Variants in PTGIS observed in about 807,000 individuals in gnomAD.
PTGIS encodes prostacyclin synthase.
Under a neutral mutation model 50.3 loss-of-function variants are expected in PTGIS, and 45 were observed. That is an observed-to-expected ratio of 0.90 (90% CI 0.70 to 1.15). The LOEUF is 1.15. PTGIS is among the 50% of genes most tolerant of loss of function. PTGIS has a pLI of 0.00. For missense variants in PTGIS, 668 were observed against 661.3 expected, an observed-to-expected ratio of 1.01 and a Z score of -0.11; for synonymous variants, 260 against 267.7, an observed-to-expected ratio of 0.97 and a Z score of 0.28.
At position 49,514,187 on chromosome 20, in the gene PTGIS, G is replaced by A. The variant is rs763636975; in HGVS notation, c.1024+40C>T. Reference sequence around the variant, plus strand: ...GAGGGCTTTGGGGGTCCATGATGACGCAGTCTTAGGGGCTATCTTGGAGGG... The same window carrying A: ...GAGGGCTTTGGGGGTCCATGATGACACAGTCTTAGGGGCTATCTTGGAGGG... On this transcript the variant is annotated intron_variant, in intron 7 of 9. Coordinates refer to ENST00000244043, the MANE Select transcript of PTGIS (RefSeq NM_000961.4). 1.9e-5 allele frequency: 31 copies of A among 1,607,636 alleles called. 1 individual carries two copies. Among genetic ancestry groups the A allele is most frequent in the East Asian group, 1.6e-4 (7 of 44,864 alleles).
chr20:49,544,482 T>C (rs775881874), intron 3 of PTGIS, 34 bp from the exon 4 acceptor site: 6 of 1,613,638 alleles, frequency 3.7e-6, no homozygotes, highest in South Asian at 1.1e-5. Flanking sequence ...AAAATTTGGC[T>C]TCCAAAGGGA....
chr20:49,561,055 C>A (rs952852324), intron 1 of PTGIS, among the ~76,000 whole-genome samples: 2 of 152,140 alleles, frequency 1.3e-5, no homozygotes, highest in African/African-American at 4.8e-5. Context: ...CCCCGGGGAG[C>A]CAGACCTAAC....
chr20:49,560,018 G>A (rs563480292), intron 1 of PTGIS, among the ~76,000 whole-genome samples: 30 of 151,612 alleles, frequency 2.0e-4, no homozygotes, highest in African/African-American at 7.0e-4. Flanking sequence ...TGCACCTCCC[G>A]GGTTCAAGCA....
At chr20:49,522,712 G>A (rs191265078) in intron 6 of PTGIS, among the ~76,000 whole-genome samples, 3 of 152,246 alleles carry the variant, frequency 2.0e-5, no homozygotes, top group Admixed American at 1.3e-4. Flanking sequence ...ACAATGAAAC[G>A]CACAGAAACC....
intron 9 of PTGIS, 50 bp from the exon 10 acceptor site, chr20:49,508,114 G>T (rs761959400): frequency 3.7e-6 from 6 of 1,606,124 alleles, no homozygotes; most frequent in Non-Finnish European, 5.1e-6. Context: ...AGGGCAGGGG[G>T]TTATCGGGAA....
At chr20:49,524,479 G>T (rs1157141832) in intron 5 of PTGIS, among the ~76,000 whole-genome samples, 1 of 152,160 alleles carries the variant, frequency 6.6e-6, no homozygotes, top group African/African-American at 2.4e-5. Context: ...TCTCCTGCAG[G>T]TGGGAGCCTG....
intron 1 of PTGIS, among the ~76,000 whole-genome samples, chr20:49,553,959 ATAAT>A (rs1193411337): frequency 3.3e-5 from 5 of 152,332 alleles, no homozygotes; most frequent in Non-Finnish European, 5.9e-5. Flanking sequence ...CAAGTTGACT[ATAAT>A]TAAAAGGAAA....
At chr20:49,532,622 C>G (rs1601189855) in intron 5 of PTGIS, among the ~76,000 whole-genome samples, 1 of 152,310 alleles carries the variant, frequency 6.6e-6, no homozygotes, top group Middle Eastern at 3.4e-3. Flanking sequence ...AATAACAAAT[C>G]TTACTGAATG....
At chr20:49,548,727 A>AGGG (rs1568683040) in intron 2 of PTGIS, among the ~76,000 whole-genome samples, 4 of 151,442 alleles carry the variant, frequency 2.6e-5, no homozygotes, top group African/African-American at 9.8e-5. Flanking sequence ...GGAAGGAAGG[A>AGGG]AGGGAGGGAG....
chr20:49,556,007 C>G (rs1982615937), intron 1 of PTGIS, among the ~76,000 whole-genome samples: 1 of 152,114 alleles, frequency 6.6e-6, no homozygotes, highest in Non-Finnish European at 1.5e-5. Flanking sequence ...TTGAAATAAT[C>G]TTTTATGAGT....
At chr20:49,552,496 A>G (rs1982534823) in intron 1 of PTGIS, among the ~76,000 whole-genome samples, 1 of 152,064 alleles carries the variant, frequency 6.6e-6, no homozygotes, top group Non-Finnish European at 1.5e-5. Context: ...TAACACACCC[A>G]GTCTCTCTCT....
At chr20:49,512,280 A>G (rs146847667) in intron 8 of PTGIS, among the ~76,000 whole-genome samples, 154 of 149,632 alleles carry the variant, frequency 1.0e-3, no homozygotes, top group Middle Eastern at 3.6e-3. Flanking sequence ...TGGATGGGTG[A>G]ATTTGTGAAT....
intron 1 of PTGIS, among the ~76,000 whole-genome samples, chr20:49,553,260 T>G (rs529368527): frequency 1.3e-5 from 2 of 152,246 alleles, no homozygotes; most frequent in Admixed American, 6.5e-5. Context: ...ATTATCATTG[T>G]GTAACTTTTT....
At position 49,508,054 on chromosome 20, in the gene PTGIS, G is replaced by A. The variant is rs1222480579; in HGVS notation, c.1369C>T (p.Leu457Phe). ...TCCAAGTCCAAGTGCACCAGCACAAGGAACACAAATCTGCAGAGAGATGGC... is the reference window on the plus strand; with the variant it reads ...TCCAAGTCCAAGTGCACCAGCACAAAGAACACAAATCTGCAGAGAGATGGC... ...AVNSIKQFVF[L>F]VLVHLDLELI... Residue 457 changes from leucine (L) to phenylalanine (F), a missense_variant, in exon 10 of 10, where the codon CTT becomes TTT. By Grantham distance (22) the Leu-to-Phe change is conservative. Coordinates refer to ENST00000244043, the MANE Select transcript of PTGIS (RefSeq NM_000961.4). The A allele has an allele frequency of 1.2e-6, 2 of 1,613,822 alleles. No homozygotes were observed. Among genetic ancestry groups the A allele is most frequent in the Admixed American group, 1.7e-5 (1 of 60,016 alleles).
chr20:49,552,574 T>A (rs1223002632), intron 1 of PTGIS, among the ~76,000 whole-genome samples: 1 of 151,838 alleles, frequency 6.6e-6, no homozygotes, highest in Non-Finnish European at 1.5e-5. Context: ...TTTCCCTATC[T>A]GATTTTCACC....
At chr20:49,563,610 T>C (rs1003342005) in intron 1 of PTGIS, among the ~76,000 whole-genome samples, 2 of 152,202 alleles carry the variant, frequency 1.3e-5, no homozygotes, top group African/African-American at 4.8e-5. Flanking sequence ...GATTTTTGTG[T>C]ATGGAATCCC....
At chr20:49,550,368 T>G (rs1982475635) in intron 1 of PTGIS, among the ~76,000 whole-genome samples, 179 bp from the exon 2 acceptor site, 1 of 152,160 alleles carries the variant, frequency 6.6e-6, no homozygotes, top group Non-Finnish European at 1.5e-5. Context: ...ACACCCTCCC[T>G]CTTTCCCCTC....
Position 49,511,163 on chromosome 20 carries a change from CG to C in PTGIS, c.1222del (p.Arg408AspfsTer3). On this transcript the variant is annotated frameshift_variant, in exon 9 of 10. Transcript: ENST00000244043. LOFTEE classifies it high-confidence loss of function. ...CTCTGATCCGTCAGGGTTCAGGAAT[CG>C]GTTGTATTTAAATACCTGAAATAGG... ...YTDPEVFKYN[R>X]FLNPDGSEKK... The C allele has an allele frequency of 6.2e-7, 1 of 1,614,164 alleles. No individual in the cohort carries two copies. The highest frequency in any genetic ancestry group is 8.5e-7 in the Non-Finnish European group (1 of 1,180,038).
At chr20:49,558,746 T>C (rs1260573387) in intron 1 of PTGIS, among the ~76,000 whole-genome samples, 12 of 150,992 alleles carry the variant, frequency 7.9e-5, no homozygotes, top group African/African-American at 2.9e-4. Context: ...GGAGTTTTGC[T>C]CTTATTGCCC....
Sources: gnomAD v4.1 joint callset for allele counts (sites outside exome capture counted in the v4.1 genomes callset) on GRCh38, gnomAD v4.1.1 for gene constraint, MANE v1.5 for transcripts, NCBI Gene and HGNC (gene_info 2026-07-23, HGNC 2026-07-21) for gene names.